POU6F2: variants seen among roughly 807,000 people sequenced by gnomAD.
POU6F2 encodes the protein POU class 6 homeobox 2.
A neutral mutation model predicts 71.3 loss-of-function variants in POU6F2; 31 were observed. The observed-to-expected ratio is 0.43, with a 90% confidence interval of 0.33 to 0.59. POU6F2 has a LOEUF of 0.59. Among genes scored for constraint, POU6F2 ranks in the 20% least tolerant of loss-of-function variants. The pLI, the probability that POU6F2 is intolerant of heterozygous loss-of-function variation, is 0.04. For missense variants in POU6F2, 783 were observed against 856.8 expected (o/e 0.91, Z 1.07); for synonymous variants, 347 against 355.7 (o/e 0.98, Z 0.27).
Position 39,061,659 on chromosome 7 carries a change from G to T in POU6F2, c.106-24201G>T, listed in dbSNP as rs771554769. 2.0e-3 allele frequency among the ~76,000 whole-genome samples: 296 copies of T among 149,826 alleles called. 4 individuals are homozygous for T. The highest frequency in any genetic ancestry group is 1.9e-3 in the Non-Finnish European group (125 of 67,246). On this transcript the variant is annotated intron_variant, in intron 1 of 9. Coordinates refer to ENST00000518318, the MANE Select transcript of POU6F2 (RefSeq NM_001370959.1). ...CTTATTTTAACAGAAAAGTCTTTTT[G>T]TATTGGGAAGTTGTTAAACTTTTGG... is the stretch of plus-strand genomic sequence containing the variant.
chr7:39,304,125 T>A (rs1035780819), intron 4 of POU6F2, among the ~76,000 whole-genome samples: 78 of 152,146 alleles, frequency 5.1e-4, no homozygotes, highest in Non-Finnish European at 5.6e-4. Flanking sequence ...TGTAAAAATG[T>A]AAAAGAACTT....
intron 5 of POU6F2, among the ~76,000 whole-genome samples, chr7:39,357,077 G>T (rs1035080078): frequency 2.0e-5 from 3 of 152,112 alleles, no homozygotes; most frequent in African/African-American, 7.2e-5. Flanking sequence ...TGATCCGTGG[G>T]TTAAATCATG....
At chr7:39,083,997 TG>T (rs2128720494) in intron 1 of POU6F2, among the ~76,000 whole-genome samples, 1 of 152,278 alleles carries the variant, frequency 6.6e-6, no homozygotes, top group South Asian at 2.1e-4. Flanking sequence ...CCTTTCCACT[TG>T]TTTAGGATTG....
At chr7:39,119,897 G>A (rs1792006826) in intron 2 of POU6F2, among the ~76,000 whole-genome samples, 2 of 152,184 alleles carry the variant, frequency 1.3e-5, no homozygotes, top group African/African-American at 4.8e-5. Context: ...CAAAGGGCTT[G>A]CAATTCACAG....
At chr7:39,298,593 G>A (rs1784895886) in intron 4 of POU6F2, among the ~76,000 whole-genome samples, 1 of 152,200 alleles carries the variant, frequency 6.6e-6, no homozygotes, top group South Asian at 2.1e-4. Context: ...GGAAGACAGT[G>A]TGGCTATTCC....
intron 4 of POU6F2, among the ~76,000 whole-genome samples, chr7:39,234,873 A>G (rs1423765338): frequency 6.6e-6 from 1 of 152,224 alleles, no homozygotes; most frequent in Non-Finnish European, 1.5e-5. Context: ...TAGGGCATCA[A>G]AATAATTCTT....
At chr7:39,321,807 AAGG>A (rs532991328) in intron 4 of POU6F2, among the ~76,000 whole-genome samples, 270 of 151,990 alleles carry the variant, frequency 1.8e-3, no homozygotes, top group Middle Eastern at 0.01. Flanking sequence ...AGGAGGAAGA[AAGG>A]AGGAAGGGAG....
intron 2 of POU6F2, among the ~76,000 whole-genome samples, chr7:39,182,342 A>G (rs1443833752): frequency 6.6e-6 from 1 of 152,226 alleles, no homozygotes; most frequent in Non-Finnish European, 1.5e-5. Flanking sequence ...TAGTTTGAAA[A>G]TCATTGATCT....
intron 4 of POU6F2, among the ~76,000 whole-genome samples, chr7:39,271,695 A>T (rs1483509715): frequency 2.0e-5 from 3 of 152,174 alleles, no homozygotes; most frequent in Non-Finnish European, 2.9e-5. Flanking sequence ...ATGTGCCACA[A>T]CTTTCCGTCA....
intron 4 of POU6F2, among the ~76,000 whole-genome samples, chr7:39,279,073 G>A (rs577390375): frequency 2.0e-5 from 3 of 152,140 alleles, no homozygotes; most frequent in Non-Finnish European, 2.9e-5. Context: ...AGTCTCTCCG[G>A]ACTGCCTGGT....
intron 1 of POU6F2, among the ~76,000 whole-genome samples, chr7:39,049,594 G>A (rs1208776291): frequency 6.6e-6 from 1 of 151,948 alleles, no homozygotes; most frequent in Non-Finnish European, 1.5e-5. Context: ...ATCAGCAAAT[G>A]ATAGCTTGTG....
intron 6 of POU6F2, among the ~76,000 whole-genome samples, chr7:39,430,913 G>A (rs1788084609): frequency 6.6e-6 from 1 of 152,230 alleles, no homozygotes; most frequent in Non-Finnish European, 1.5e-5. Flanking sequence ...CATTGTGCAT[G>A]TGTGGAAAGG....
chr7:39,077,981 C>T (rs528181439), intron 1 of POU6F2, among the ~76,000 whole-genome samples: 1 of 152,234 alleles, frequency 6.6e-6, no homozygotes, highest in Non-Finnish European at 1.5e-5. Flanking sequence ...TGGCCTGGGG[C>T]AACACTTGTA....
chr7:39,401,202 G>A (rs1487634268), intron 5 of POU6F2, among the ~76,000 whole-genome samples: 1 of 152,170 alleles, frequency 6.6e-6, no homozygotes, highest in Non-Finnish European at 1.5e-5. Flanking sequence ...GTGCCTCAGA[G>A]GCATCTCTCA....
chr7:39,456,451 A>C (rs1221721649), intron 8 of POU6F2, among the ~76,000 whole-genome samples: 2 of 152,204 alleles, frequency 1.3e-5, no homozygotes, highest in African/African-American at 4.8e-5. Flanking sequence ...AAACAACCTC[A>C]AGAGTTTAAG....
intron 8 of POU6F2, among the ~76,000 whole-genome samples, chr7:39,457,415 T>C (rs1428028227): frequency 6.6e-6 from 1 of 152,278 alleles, no homozygotes; most frequent in East Asian, 1.9e-4. Context: ...CCACTTGCCA[T>C]AAGTAGTGAC....
chr7:39,304,394 C>T (rs7806341), intron 4 of POU6F2, among the ~76,000 whole-genome samples: 103,691 of 151,956 alleles, frequency 0.68, 35,427 homozygotes, highest in Admixed American at 0.77. Flanking sequence ...CTGAACAATT[C>T]GGTAACCTCA....
chr7:39,251,060 A>AACTTCAC (rs1783906692), intron 4 of POU6F2, among the ~76,000 whole-genome samples: 1 of 152,216 alleles, frequency 6.6e-6, no homozygotes, highest in African/African-American at 2.4e-5. Context: ...TAAGGGTCTA[A>AACTTCAC]ACTTCACACA....
chr7:39,146,651 C>T (rs1404984321), intron 2 of POU6F2, among the ~76,000 whole-genome samples: 2 of 152,176 alleles, frequency 1.3e-5, no homozygotes, highest in African/African-American at 2.4e-5. Flanking sequence ...TAGGAGGCCC[C>T]TTCAAGGCCC....
Sources: allele counts gnomAD v4.1 joint callset (sites outside exome capture counted in the v4.1 genomes callset), GRCh38; gene constraint gnomAD v4.1.1; transcripts MANE v1.5; gene names NCBI Gene and HGNC (gene_info 2026-07-23, HGNC 2026-07-21).